The following TP53AIP1 variants were observed in gnomAD, a reference collection of about 807,000 sequenced individuals.
TP53AIP1 encodes tumor protein p53 regulated apoptosis inducing protein 1, also known as p53-regulated apoptosis-inducing protein 1.
TP53AIP1 carries 14 observed loss-of-function variants against 9.5 expected under a neutral mutation model. The ratio of observed to expected loss-of-function variants is 1.47; its 90% CI spans 0.97 to 2.30. The LOEUF is 2.30. Ranked by LOEUF, TP53AIP1 falls within the 30% of genes most tolerant of loss-of-function variation. The pLI is 0.00. For synonymous variants in TP53AIP1, 73 were observed against 61.2 expected (o/e 1.19, Z -0.90); for missense variants, 153 against 146.7 (o/e 1.04, Z -0.22).
intron 2 of TP53AIP1, 35 bp from the exon 3 acceptor site, chr11:128,936,684 C>A: frequency 6.5e-7 from 1 of 1,546,768 alleles, no homozygotes; most frequent in Non-Finnish European, 8.7e-7. Context: ...TGAGGCCCTG[C>A]AGCGCCGTCT....
chr11:128,937,546 T>A lies in TP53AIP1; in HGVS notation c.141+132A>T. On this transcript the variant is annotated intron_variant, in intron 2 of 3. Transcript: ENST00000531399. This position sits in a 1 kb window ranked among gnomAD's most constrained non-coding sequence, Gnocchi z 4.8. ...ACTGGGGACAGTCCGCATGCAGCTC[T>A]GAGGACCCAGATGCTGTCACTGGGT... 6.2e-7 allele frequency: 1 copy of A among 1,606,612 alleles called. No homozygotes were observed. Among genetic ancestry groups the A allele is most frequent in the Non-Finnish European group, 8.5e-7 (1 of 1,174,620 alleles).
Position 128,937,552 on chromosome 11 carries a change from C to T in TP53AIP1, c.141+126G>A. The T allele has an allele frequency of 6.2e-7, 1 of 1,613,898 alleles. No individual in the cohort carries two copies. The highest frequency in any genetic ancestry group is 8.5e-7 in the Non-Finnish European group (1 of 1,179,964). On this transcript the variant is annotated intron_variant, in intron 2 of 3. Transcript: ENST00000531399. This position sits in a 1 kb window ranked among gnomAD's most constrained non-coding sequence, Gnocchi z 4.8. The stretch of plus-strand genomic sequence containing the variant: ...GACAGTCCGCATGCAGCTCTGAGGA[C>T]CCAGATGCTGTCACTGGGTCCTGGT...
chr11:128,935,904 T>A, intron 3 of TP53AIP1, 192 bp from the exon 4 acceptor site: 1 of 1,308,280 alleles, frequency 7.6e-7, no homozygotes, highest in Non-Finnish European at 9.7e-7. Context: ...ATTTCATAGA[T>A]ATCAAATGGG....
At chr11:128,935,053 CA>C (rs1285591558), downstream of TP53AIP1, 1 of 703,872 alleles carries the variant, frequency 1.4e-6, no homozygotes. Flanking sequence ...CACTGAAAAA[CA>C]CAAAACAAAA....
intron 3 of TP53AIP1, 47 bp from the exon 4 acceptor site, chr11:128,935,759 C>A: frequency 6.7e-7 from 1 of 1,483,010 alleles, no homozygotes; most frequent in South Asian, 1.4e-5. Flanking sequence ...CGTATGGAGT[C>A]CTTGTTATTT....
chr11:128,936,409 T>G, intron 3 of TP53AIP1, 129 bp downstream of exon 3: 1 of 1,417,470 alleles, frequency 7.1e-7, no homozygotes, highest in East Asian at 2.6e-5. Context: ...TTTTGTCAGA[T>G]GGCAAATTTC....
rs142456712 is a variant in TP53AIP1, at chr11:128,937,711, C to G, written c.108G>C (p.Pro36=). 2 of 1,614,040 alleles carry G rather than the reference C, an allele frequency of 1.2e-6. No homozygotes were observed. The highest frequency in any genetic ancestry group is 1.6e-4 in the Middle Eastern group (1 of 6,084). The change falls in exon 2 of 4, where the codon CCG becomes CCC. Residue 36 remains proline, a synonymous_variant. Coordinates refer to ENST00000531399, the MANE Select transcript of TP53AIP1 (RefSeq NM_022112.3). This position sits in a 1 kb window ranked among gnomAD's most constrained non-coding sequence, Gnocchi z 4.8. ...RGDQNLSVMP[P]NGRAQTHTPG... ...GTGTGTGTGTCTGAGCCCTGCCATT[C>G]GGAGGCATCACCGAGAGGTTCTGGT...
downstream of TP53AIP1, chr11:128,935,302 G>C: frequency 7.0e-7 from 1 of 1,422,914 alleles, no homozygotes; most frequent in Non-Finnish European, 9.1e-7. Flanking sequence ...GCAGAGTTTT[G>C]TGGAGATGCA....
downstream of TP53AIP1, chr11:128,934,810 G>A (rs1944777427): frequency 3.5e-6 from 2 of 564,732 alleles, no homozygotes; most frequent in Admixed American, 3.0e-5. Flanking sequence ...CACAGGGAAG[G>A]GAGAAAAGCC....
Position 128,939,608 on chromosome 11 carries a change from C to G in TP53AIP1, c.-76-1714G>C, listed in dbSNP as rs113252758. On this transcript the variant is annotated intron_variant, in intron 1 of 3. Coordinates refer to ENST00000531399, the MANE Select transcript of TP53AIP1 (RefSeq NM_022112.3). The surrounding 1 kb of genome is among the most constrained non-coding windows in gnomAD (Gnocchi z 4.1). ...CACCTGTAGATGATGCACTGCCTTA[C>G]TGTCCAGACAGAACAAAAGGGATCC... Among the ~76,000 whole-genome samples, 4,195 of 152,336 alleles carry G rather than the reference C, an allele frequency of 0.028. 100 individuals are homozygous for G. The highest frequency in any genetic ancestry group is 0.066 in the African/African-American group (2,742 of 41,570).
chr11:128,936,786 C>T (rs1220382817), intron 2 of TP53AIP1, 137 bp from the exon 3 acceptor site: 15 of 1,433,932 alleles, frequency 1.0e-5, no homozygotes, highest in Non-Finnish European at 1.4e-5. Context: ...GACGCTGCCA[C>T]TCAGGTTCCC....
rs931651588 is a variant in TP53AIP1, at chr11:128,939,252, C to T, written c.-76-1358G>A. Among the ~76,000 whole-genome samples the T allele has an allele frequency of 6.6e-6, 1 of 152,164 alleles. No homozygotes were observed. Among genetic ancestry groups the T allele is most frequent in the African/African-American group, 2.4e-5 (1 of 41,440 alleles). ...GGGGAAGACACTCTGCACGCAGCCC[C>T]CAGGAGACCACAGGCCCTGGACTCC... On this transcript the variant is annotated intron_variant, in intron 1 of 3. Transcript: ENST00000531399. This position sits in a 1 kb window ranked among gnomAD's most constrained non-coding sequence, Gnocchi z 4.1.
At chr11:128,940,756 A>T (rs1259497721) in intron 1 of TP53AIP1, among the ~76,000 whole-genome samples, 1 of 152,064 alleles carries the variant, frequency 6.6e-6, no homozygotes, top group Non-Finnish European at 1.5e-5. Flanking sequence ...CCACCCACAC[A>T]CTCAAGGCAT....
chr11:128,937,726 G>C lies in TP53AIP1; in HGVS notation c.93C>G (p.Leu31=), dbSNP rs972039049. 1 of 1,614,158 alleles carries C rather than the reference G, an allele frequency of 6.2e-7. No individual in the cohort carries two copies. The change falls in exon 2 of 4, where the codon CTC becomes CTG. Residue 31 remains leucine (L), a synonymous_variant. Transcript: ENST00000531399. This position sits in a 1 kb window ranked among gnomAD's most constrained non-coding sequence, Gnocchi z 4.8. The part of the protein sequence containing the change: ...RQGLGRGDQN[L]SVMPPNGRAQ... ...CCCTGCCATTCGGAGGCATCACCGA[G>C]AGGTTCTGGTCTCCCCTGCCCAGGC... is the stretch of plus-strand genomic sequence containing the variant.
At chr11:128,936,866 CAAAG>C in intron 2 of TP53AIP1, 7 of 1,363,820 alleles carry the variant, frequency 5.1e-6, no homozygotes, top group Non-Finnish European at 6.6e-6. Flanking sequence ...ACATTAGAGA[CAAAG>C]ACAGAGACAG....
chr11:128,935,875 C>A, intron 3 of TP53AIP1, 163 bp from the exon 4 acceptor site: 6 of 1,312,592 alleles, frequency 4.6e-6, no homozygotes, highest in East Asian at 5.7e-5. Context: ...TCTCCCAAGA[C>A]AGGAAAAAAA....
At chr11:128,938,884 T>C (rs1179251361) in intron 1 of TP53AIP1, among the ~76,000 whole-genome samples, 1 of 152,080 alleles carries the variant, frequency 6.6e-6, no homozygotes, top group African/African-American at 2.4e-5. Context: ...GGAGCACTCA[T>C]CACAGGCCAG....
At position 128,937,173 on chromosome 11, in the gene TP53AIP1, T is replaced by A. The variant is rs1468078990; in HGVS notation, c.141+505A>T. On this transcript the variant is annotated intron_variant, in intron 2 of 3. Coordinates refer to ENST00000531399, the MANE Select transcript of TP53AIP1 (RefSeq NM_022112.3). The surrounding 1 kb of genome is among the most constrained non-coding windows in gnomAD (Gnocchi z 4.8). ...CAGAGCCCACAAGCTTCCGAGTGCG[T>A]CATCTTCATTATTGGCCACAGGAAA... 1 of 1,118,310 alleles carries A rather than the reference T, an allele frequency of 8.9e-7. No homozygotes were observed. The highest frequency in any genetic ancestry group is 4.6e-5 in the Admixed American group (1 of 21,828). The allele number at this position is 1,118,310 out of a possible 1,614,324, so 69.3% of individuals were successfully genotyped here. A position where few individuals can be genotyped will look rare whatever the true frequency, so the allele number is the denominator to read the frequency against.
chr11:128,942,121 C>CA (rs1944957691), intron 1 of TP53AIP1, among the ~76,000 whole-genome samples: 1 of 152,166 alleles, frequency 6.6e-6, no homozygotes, highest in Non-Finnish European at 1.5e-5. Context: ...AAGGAACTAA[C>CA]AAATAAACCT....
Sources: gnomAD v4.1 joint callset for allele counts (sites outside exome capture counted in the v4.1 genomes callset) on GRCh38, gnomAD v4.1.1 for gene constraint, Gnocchi (gnomAD v3.1) non-coding constraint, MANE v1.5 for transcripts, NCBI Gene and HGNC (gene_info 2026-07-23, HGNC 2026-07-21) for gene names.